Variants in CLNK observed in about 807,000 individuals in gnomAD.
CLNK encodes cytokine-dependent hematopoietic cell linker.
CLNK carries 74 observed loss-of-function variants against 68.6 expected under a neutral mutation model. That is an observed-to-expected ratio of 1.08 (90% CI 0.89 to 1.31). The LOEUF is 1.31. Among genes scored for constraint, CLNK ranks in the 50% most tolerant of loss-of-function variants. The pLI, the probability that CLNK is intolerant of heterozygous loss-of-function variation, is 0.00. For synonymous variants in CLNK, 198 were observed against 172.2 expected (o/e 1.15, Z -1.17); for missense variants, 553 against 515.3 (o/e 1.07, Z -0.71).
At chr4:10,567,243 G>A (rs537881615) in intron 5 of CLNK, among the ~76,000 whole-genome samples, 6 of 152,070 alleles carry the variant, frequency 3.9e-5, no homozygotes, top group South Asian at 4.2e-4. Context: ...ATAGATGTGC[G>A]GATAATTGGA....
At chr4:10,506,104 G>T (rs1038049663) in intron 17 of CLNK, among the ~76,000 whole-genome samples, 1 of 152,100 alleles carries the variant, frequency 6.6e-6, no homozygotes, top group Non-Finnish European at 1.5e-5. Flanking sequence ...AAGCAATCTC[G>T]TATAGTTCTC....
At chr4:10,690,677 T>A in the CLNK span, among the ~76,000 whole-genome samples, 1 of 152,232 alleles carries the variant, frequency 6.6e-6, no homozygotes, top group Non-Finnish European at 1.5e-5. Flanking sequence ...CATAATTTAA[T>A]CATTACAATA....
chr4:10,531,814 G>A (rs1718556000), intron 12 of CLNK: 2 of 458,720 alleles, frequency 4.4e-6, no homozygotes, highest in African/African-American at 4.0e-5. Context: ...CACAAAGCGA[G>A]TAGGTGGCAC....
chr4:10,716,529 G>A, the CLNK span, among the ~76,000 whole-genome samples: 1 of 152,162 alleles, frequency 6.6e-6, no homozygotes, highest in East Asian at 1.9e-4. Flanking sequence ...AAGGTGGTGA[G>A]TTCCCTGAGA....
chr4:10,682,493 A>G (rs919970990), intron 1 of CLNK, among the ~76,000 whole-genome samples: 6 of 152,196 alleles, frequency 3.9e-5, no homozygotes, highest in Non-Finnish European at 7.3e-5. Context: ...GTTCCTGGCT[A>G]TCTCTTCTGT....
intron 8 of CLNK, among the ~76,000 whole-genome samples, chr4:10,542,496 C>A (rs936192404): frequency 3.3e-5 from 5 of 151,998 alleles, no homozygotes; most frequent in African/African-American, 9.7e-5. Context: ...AATGAAGAAA[C>A]TGACACACGG....
At chr4:10,523,960 G>A (rs978973225) in intron 14 of CLNK, 6 of 389,428 alleles carry the variant, frequency 1.5e-5, no homozygotes, top group Non-Finnish European at 3.1e-5. Context: ...GGGAGGTCAA[G>A]GCTGCATTGA....
the CLNK span, chr4:10,697,770 T>C: frequency 3.3e-5 from 5 of 152,224 alleles, no homozygotes; most frequent in African/African-American, 1.2e-4. Flanking sequence ...TTCACTCTCC[T>C]GGGAACATTG....
chr4:10,550,948 G>T (rs1412445082), intron 8 of CLNK, among the ~76,000 whole-genome samples: 1 of 152,194 alleles, frequency 6.6e-6, no homozygotes, highest in Admixed American at 6.5e-5. Context: ...AGCGAATCTG[G>T]TGGGCGAGAT....
intron 14 of CLNK, chr4:10,524,062 A>G (rs574053952): frequency 5.0e-5 from 10 of 200,310 alleles, no homozygotes; most frequent in South Asian, 1.2e-4. Flanking sequence ...AAGAAAAAAC[A>G]AAAGAAAGAA....
chr4:10,492,187 A>T (rs530724839), intron 18 of CLNK, among the ~76,000 whole-genome samples: 3 of 152,150 alleles, frequency 2.0e-5, no homozygotes, highest in Admixed American at 2.0e-4. Flanking sequence ...AGAGTCTCCC[A>T]TGGCTAGGGA....
At chr4:10,564,582 T>C in intron 7 of CLNK, 89 bp downstream of exon 7, 1 of 868,028 alleles carries the variant, frequency 1.2e-6, no homozygotes, top group Non-Finnish European at 1.9e-6. Context: ...CCTAATAAGA[T>C]GGCCTGGGGG....
At chr4:10,693,850 T>C in the CLNK span, among the ~76,000 whole-genome samples, 1 of 152,198 alleles carries the variant, frequency 6.6e-6, no homozygotes, top group African/African-American at 2.4e-5. Context: ...CTGAGATTTC[T>C]TAGGGATGCA....
intron 2 of CLNK, among the ~76,000 whole-genome samples, chr4:10,649,914 A>C (rs542695089): frequency 6.6e-6 from 1 of 152,330 alleles, no homozygotes; most frequent in South Asian, 2.1e-4. Context: ...ACAGCAGCAA[A>C]GTGAGAACTA....
At chr4:10,689,196 G>A (rs1173837556), upstream of CLNK, among the ~76,000 whole-genome samples, 1 of 151,602 alleles carries the variant, frequency 6.6e-6, no homozygotes, top group East Asian at 1.9e-4. Flanking sequence ...GTGCAGTGAT[G>A]CTATCATAGG....
At chr4:10,671,150 C>T (rs1441900437) in intron 1 of CLNK, among the ~76,000 whole-genome samples, 2 of 152,086 alleles carry the variant, frequency 1.3e-5, no homozygotes, top group Non-Finnish European at 2.9e-5. Flanking sequence ...TTTTGGGAGG[C>T]CGAGGCGACT....
At chr4:10,581,315 A>T (rs1378146925) in intron 4 of CLNK, among the ~76,000 whole-genome samples, 1 of 152,186 alleles carries the variant, frequency 6.6e-6, no homozygotes, top group Non-Finnish European at 1.5e-5. Context: ...GTGTATGTAT[A>T]TATATGTGTA....
At chr4:10,695,380 T>TA in the CLNK span, among the ~76,000 whole-genome samples, 1 of 152,150 alleles carries the variant, frequency 6.6e-6, no homozygotes, top group Admixed American at 6.6e-5. Flanking sequence ...CAACTAAAAA[T>TA]AAAAAATGAA....
Position 10,596,913 on chromosome 4 carries a change from T to C in CLNK, c.83+1065A>G, listed in dbSNP as rs16870323. Among the ~76,000 whole-genome samples, 930 of 152,294 alleles carry C rather than the reference T, an allele frequency of 6.1e-3. 18 individuals carry two copies. In the East Asian group the frequency reaches 0.064, roughly 11 times the overall value. On this transcript the variant is annotated intron_variant, in intron 3 of 18. Transcript: ENST00000226951. ...AAAGAGGGCTTCTAAACCTTCTATCTCCCATCTCTTGCTATTGTCAAGAAA... is the reference window on the plus strand; with the variant it reads ...AAAGAGGGCTTCTAAACCTTCTATCCCCCATCTCTTGCTATTGTCAAGAAA...
Sources: allele counts gnomAD v4.1 joint callset (sites outside exome capture counted in the v4.1 genomes callset), GRCh38; gene constraint gnomAD v4.1.1; transcripts MANE v1.5; gene names NCBI Gene and HGNC (gene_info 2026-07-23, HGNC 2026-07-21).